CELF2: variants seen among roughly 807,000 people sequenced by gnomAD.
CELF2 encodes CUGBP Elav-like family member 2, also known as CUG triplet repeat RNA-binding protein 2.
CELF2 carries 8 observed loss-of-function variants against 62.6 expected under a neutral mutation model. The observed-to-expected ratio is 0.13, with a 90% CI of 0.07 to 0.23. The LOEUF (loss-of-function observed/expected upper bound fraction) is 0.23. CELF2 is among the 10% of genes least tolerant of loss of function. The pLI, the probability that CELF2 is intolerant of heterozygous loss-of-function variation, is 1.00. For missense variants in CELF2, 333 were observed against 671.0 expected (o/e 0.50, Z 5.56); for synonymous variants, 258 against 250.0 (o/e 1.03, Z -0.30).
chr10:11,266,963 G>A (rs547826150), intron 6 of CELF2, among the ~76,000 whole-genome samples: 14 of 152,106 alleles, frequency 9.2e-5, no homozygotes, highest in African/African-American at 1.9e-4. Context: ...ATGTAAAGTC[G>A]TGAGCACTTT....
At position 11,314,107 on chromosome 10, in the gene CELF2, C is replaced by G. The variant is rs573091362; in HGVS notation, c.977-32C>G. Reference sequence around the variant, plus strand: ...TCGGCTCTCACTCACCTCGTGTCTTCTCTCCCCTTGTCTCTGTTTTCCTTT... The same window carrying G: ...TCGGCTCTCACTCACCTCGTGTCTTGTCTCCCCTTGTCTCTGTTTTCCTTT... On this transcript the variant is annotated intron_variant, in intron 9 of 12. Coordinates refer to ENST00000633077, the MANE Select transcript of CELF2 (RefSeq NM_001326342.2). This position sits in a 1 kb window ranked among gnomAD's most constrained non-coding sequence, Gnocchi z 5.3. 9.5e-6 allele frequency: 15 copies of G among 1,571,000 alleles called. No homozygotes were observed. The South Asian group carries it at 1.6e-4, about 17-fold the overall frequency.
intron 1 of CELF2, among the ~76,000 whole-genome samples, chr10:11,111,014 C>G (rs1348748312): frequency 6.6e-6 from 1 of 152,216 alleles, no homozygotes; most frequent in Non-Finnish European, 1.5e-5. Context: ...CTCTCCCACT[C>G]TGAGTACCAT....
In CELF2 at chr10:11,255,579, G is replaced by A. The variant is rs1589945778; in HGVS notation, c.404-2159G>A. On this transcript the variant is annotated intron_variant, in intron 4 of 12. Transcript: ENST00000633077. The surrounding 1 kb of genome is among the most constrained non-coding windows in gnomAD (Gnocchi z 5.5). ...CGATTCGTAGTTTACAAGTATTGTG[G>A]AATCGTGCCTTTCAACTTGTATTCC... is the stretch of plus-strand genomic sequence containing the variant. Among the ~76,000 whole-genome samples the A allele has an allele frequency of 1.3e-5, 2 of 152,244 alleles. No homozygotes were observed. Among genetic ancestry groups the A allele is most frequent in the Middle Eastern group, 3.4e-3 (1 of 294 alleles).
At chr10:10,652,091 C>A in the CELF2 span, among the ~76,000 whole-genome samples, 2 of 137,128 alleles carry the variant, frequency 1.5e-5, no homozygotes, top group Non-Finnish European at 3.2e-5. Flanking sequence ...GCCTCAGGAG[C>A]CGATGCGATC....
the CELF2 span, among the ~76,000 whole-genome samples, chr10:10,649,079 C>T: frequency 6.6e-6 from 1 of 152,274 alleles, no homozygotes; most frequent in Admixed American, 6.5e-5. Flanking sequence ...CCATCTATCC[C>T]CTTTTGAAAC....
chr10:11,135,550 G>C (rs1171153792), intron 1 of CELF2, among the ~76,000 whole-genome samples: 1 of 152,216 alleles, frequency 6.6e-6, no homozygotes, highest in African/African-American at 2.4e-5. Flanking sequence ...TATGCTACAG[G>C]AAAGACCCTT....
chr10:11,325,793 G>A, intron 11 of CELF2, 43 bp from the exon 12 acceptor site: 1 of 1,561,028 alleles, frequency 6.4e-7, no homozygotes, highest in Non-Finnish European at 8.7e-7. Flanking sequence ...TGGAAACTAA[G>A]ACTCAAGGGA....
chr10:10,661,185 C>G, the CELF2 span, among the ~76,000 whole-genome samples: 1 of 152,226 alleles, frequency 6.6e-6, no homozygotes, highest in Non-Finnish European at 1.5e-5. Flanking sequence ...TCCACATCCT[C>G]TTGCAAAGTA....
the CELF2 span, among the ~76,000 whole-genome samples, chr10:10,620,155 C>T: frequency 1.3e-5 from 2 of 152,184 alleles, no homozygotes; most frequent in Non-Finnish European, 2.9e-5. Context: ...CCGAATTTGG[C>T]CCACTACCTG....
intron 1 of CELF2, among the ~76,000 whole-genome samples, chr10:10,907,012 G>A (rs563847558): frequency 4.3e-4 from 66 of 152,088 alleles, no homozygotes; most frequent in African/African-American, 1.4e-3. Flanking sequence ...CCACGAGAAC[G>A]TACCTTTCTA....
chr10:11,108,193 T>C (rs972936577), intron 1 of CELF2, among the ~76,000 whole-genome samples: 1 of 146,110 alleles, frequency 6.8e-6, no homozygotes, highest in African/African-American at 2.6e-5. Flanking sequence ...CATTTTGTTT[T>C]CCCCACAGCC....
chr10:11,059,063 G>T (rs567784325), intron 1 of CELF2, among the ~76,000 whole-genome samples: 1 of 152,208 alleles, frequency 6.6e-6, no homozygotes, highest in Non-Finnish European at 1.5e-5. Context: ...GGTTGCAGCC[G>T]TGAGCCATTG....
At chr10:10,813,800 C>A (rs1027397317) in intron 1 of CELF2, among the ~76,000 whole-genome samples, 1 of 152,142 alleles carries the variant, frequency 6.6e-6, no homozygotes, top group Non-Finnish European at 1.5e-5. Context: ...GGCCATGGGC[C>A]GTGGTTTGCT....
rs971253155 is a variant in CELF2 at position 10,934,693 on chromosome 10, G to A, written c.89+14694G>A. On this transcript the variant is annotated intron_variant, in intron 2 of 13. Coordinates refer to the CELF2 transcript ENST00000636488. The surrounding 1 kb of genome is among the most constrained non-coding windows in gnomAD (Gnocchi z 4.4). ...ATTGGAAATGCAGAGCTAGAAAGAG[G>A]GTTGTTTTTTACTGAGTTCGAGAGG... is the stretch of plus-strand genomic sequence containing the variant. 6 of 152,172 alleles carry A rather than the reference G, an allele frequency of 3.9e-5. No individual in the cohort carries two copies. The highest frequency in any genetic ancestry group is 7.3e-5 in the Non-Finnish European group (5 of 68,040). The allele number at this position is 152,172 out of a possible 1,614,324, so 9.4% of individuals were successfully genotyped here. A position where few individuals can be genotyped will look rare whatever the true frequency, so the allele number is the denominator to read the frequency against.
chr10:10,962,637 T>C (rs954423314), intron 2 of CELF2, among the ~76,000 whole-genome samples: 2 of 152,086 alleles, frequency 1.3e-5, no homozygotes, highest in African/African-American at 4.8e-5. Context: ...AGGCGGGAAG[T>C]TGGTGTGAGC....
the CELF2 span, among the ~76,000 whole-genome samples, chr10:10,740,304 T>C: frequency 6.6e-6 from 1 of 152,122 alleles, no homozygotes; most frequent in African/African-American, 2.4e-5. Flanking sequence ...TTGCATAAGG[T>C]ATAAGATAAA....
At chr10:10,700,813 A>G in the CELF2 span, among the ~76,000 whole-genome samples, 1 of 152,198 alleles carries the variant, frequency 6.6e-6, no homozygotes, top group African/African-American at 2.4e-5. Context: ...CTCTATGTAC[A>G]TTTAAAGCTA....
At chr10:10,721,331 C>T in the CELF2 span, among the ~76,000 whole-genome samples, 1 of 151,638 alleles carries the variant, frequency 6.6e-6, no homozygotes, top group South Asian at 2.1e-4. Flanking sequence ...ATGCATTTTA[C>T]CCCTGTTAAT....
At chr10:11,105,463 T>C (rs1236241533) in intron 1 of CELF2, 1 of 152,244 alleles carries the variant, frequency 6.6e-6, no homozygotes, top group African/African-American at 2.4e-5. Flanking sequence ...CTGCTCTTGC[T>C]CTTACCCTTC....
Sources: allele counts gnomAD v4.1 joint callset (sites outside exome capture counted in the v4.1 genomes callset), GRCh38; gene constraint gnomAD v4.1.1; non-coding constraint Gnocchi (gnomAD v3.1); transcripts MANE v1.5; gene names NCBI Gene and HGNC (gene_info 2026-07-23, HGNC 2026-07-21).